Variants in ADGRF5 observed in about 807,000 individuals in gnomAD.
ADGRF5 encodes the protein G-protein coupled receptor 116.
A neutral mutation model predicts 132.3 loss-of-function variants in ADGRF5; 75 were observed. The ratio of observed to expected loss-of-function variants is 0.57; its 90% CI spans 0.47 to 0.69. The LOEUF (loss-of-function observed/expected upper bound fraction) is 0.69. ADGRF5 is among the 30% of genes least tolerant of loss of function. ADGRF5 has a pLI of 0.00. For synonymous variants in ADGRF5, 629 were observed against 597.6 expected (o/e 1.05, Z -0.77); for missense variants, 1,516 against 1,630.6 (o/e 0.93, Z 1.21).
chr6:46,921,650 C>T (rs1776961589), intron 1 of ADGRF5, 63 bp downstream of exon 1: 1 of 152,202 alleles, frequency 6.6e-6, no homozygotes, highest in Non-Finnish European at 1.5e-5. Context: ...ACTTAGGAGC[C>T]CCTGAGGTCT....
At chr6:46,877,213 A>G (rs909101924) in intron 10 of ADGRF5, among the ~76,000 whole-genome samples, 6 of 150,064 alleles carry the variant, frequency 4.0e-5, no homozygotes, top group Admixed American at 1.3e-4. Context: ...GGTGAGTCCT[A>G]ATTTATTTCC....
chr6:46,928,995 T>C (rs962002531), intron 1 of ADGRF5, among the ~76,000 whole-genome samples: 1 of 152,204 alleles, frequency 6.6e-6, no homozygotes, highest in African/African-American at 2.4e-5. Context: ...TTACTGGGTA[T>C]ATACCCAAAG....
intron 1 of ADGRF5, among the ~76,000 whole-genome samples, chr6:46,913,429 G>C (rs1056541144): frequency 7.9e-5 from 12 of 151,974 alleles, no homozygotes; most frequent in African/African-American, 2.7e-4. Flanking sequence ...AACCCAGGAG[G>C]TGGAGATTGC....
In ADGRF5 at chr6:46,856,793, G is replaced by T. The variant is rs1329002006; in HGVS notation, c.3817-16C>A. 7 of 1,598,114 alleles carry T rather than the reference G, an allele frequency of 4.4e-6. No homozygotes were observed. Among genetic ancestry groups the T allele is most frequent in the African/African-American group, 2.7e-5 (2 of 74,646 alleles). On this transcript the variant is annotated splice_polypyrimidine_tract_variant and intron_variant, in intron 18 of 20. Transcript: ENST00000283296. ...CTTCCTGTACCTGCATTGTTAAAAA[G>T]AAGCTATCGTAACTTCAACATGCCA...
chr6:46,894,670 C>T (rs1773990438), intron 3 of ADGRF5, among the ~76,000 whole-genome samples: 1 of 152,142 alleles, frequency 6.6e-6, no homozygotes, highest in African/African-American at 2.4e-5. Flanking sequence ...TGTCTTCTGA[C>T]CTGGGCAGGT....
rs11343793 is a variant in ADGRF5 at position 46,929,538 on chromosome 6, GAAA to G, written c.-24-22755_-24-22753del. Among the ~76,000 whole-genome samples, 47 of 142,182 alleles carry G rather than the reference GAAA, an allele frequency of 3.3e-4. 2 individuals carry two copies. Among genetic ancestry groups the G allele is most frequent in the African/African-American group, 1.1e-3 (44 of 38,726 alleles). 93.3% of individuals were successfully genotyped at this position (142,182 alleles called of 152,430 possible). On this transcript the variant is annotated intron_variant, in intron 1 of 20. Coordinates refer to the ADGRF5 transcript ENST00000265417. ...AATAAAAAAAAGAAAGTAAAAAGAT[GAAA>G]AAAAAAAAAAGATATCCCTTTCTCT...
At chr6:46,944,380 T>C (rs963641678) in intron 1 of ADGRF5, among the ~76,000 whole-genome samples, 9 of 152,178 alleles carry the variant, frequency 5.9e-5, no homozygotes, top group Admixed American at 3.9e-4. Flanking sequence ...GTCACCTGGT[T>C]CCTAACAGGA....
chr6:46,950,968 T>G (rs1417357396), intron 1 of ADGRF5, among the ~76,000 whole-genome samples: 1 of 152,238 alleles, frequency 6.6e-6, no homozygotes, highest in African/African-American at 2.4e-5. Flanking sequence ...CAGGTCTGCC[T>G]CTTTCTAGCC....
intron 1 of ADGRF5, among the ~76,000 whole-genome samples, chr6:46,942,718 C>T (rs1350242713): frequency 3.9e-5 from 6 of 152,230 alleles, no homozygotes; most frequent in African/African-American, 1.2e-4. Flanking sequence ...ATTTCTCTTT[C>T]ATCCTCTTTC....
At chr6:46,884,441 C>T (rs1772836582) in intron 4 of ADGRF5, among the ~76,000 whole-genome samples, 170 bp from the exon 5 acceptor site, 1 of 152,228 alleles carries the variant, frequency 6.6e-6, no homozygotes. Flanking sequence ...ATGTATGCAT[C>T]ACCATGCTAT....
In ADGRF5 at chr6:46,949,497, G is replaced by C. The variant is rs77000818; in HGVS notation, c.-25+5237C>G. Among the ~76,000 whole-genome samples the C allele has an allele frequency of 1.9e-3, 296 of 152,314 alleles. 9 individuals carry two copies. The East Asian group carries it at 0.053, about 27-fold the overall frequency. ...TCATGTAGCAGAAAAGGAAAGATGGGTAGAAGGCAGTGGCCAGTGAACTTG... is the reference window on the plus strand; with the variant it reads ...TCATGTAGCAGAAAAGGAAAGATGGCTAGAAGGCAGTGGCCAGTGAACTTG... On this transcript the variant is annotated intron_variant, in intron 1 of 20. Transcript: ENST00000265417.
chr6:46,885,012 G>A (rs571762727), intron 4 of ADGRF5, among the ~76,000 whole-genome samples: 50 of 152,064 alleles, frequency 3.3e-4, no homozygotes, highest in South Asian at 2.1e-3. Context: ...GACCAGCCTG[G>A]GCAACATTGC....
At chr6:46,885,492 C>T (rs562630058) in intron 4 of ADGRF5, among the ~76,000 whole-genome samples, 1 of 152,266 alleles carries the variant, frequency 6.6e-6, no homozygotes, top group Non-Finnish European at 1.5e-5. Context: ...ACATCCCGCA[C>T]TCGCAGAGAA....
intron 13 of ADGRF5, 136 bp downstream of exon 13, chr6:46,866,789 G>A: frequency 1.7e-6 from 1 of 597,790 alleles, no homozygotes; most frequent in East Asian, 2.8e-5. Flanking sequence ...AGGTAACAAA[G>A]ATTCATGGGA....
intron 4 of ADGRF5, among the ~76,000 whole-genome samples, chr6:46,884,696 G>C (rs1394250362): frequency 6.6e-6 from 1 of 152,178 alleles, no homozygotes; most frequent in Admixed American, 6.5e-5. Flanking sequence ...TAGAGGTGAT[G>C]GTATGGCACT....
At position 46,862,012 on chromosome 6, in the gene ADGRF5, A is replaced by T. The variant is rs185178884; in HGVS notation, c.2199+876T>A. On this transcript the variant is annotated intron_variant, in intron 15 of 20. Coordinates refer to ENST00000283296, the MANE Select transcript of ADGRF5 (RefSeq NM_001098518.2). ...ACTACCCAATTCGATTATTTTCTTT[A>T]CCAGAGACAAAGATCTGATTTGGCC... Among the ~76,000 whole-genome samples, 634 of 151,878 alleles carry T rather than the reference A, an allele frequency of 4.2e-3. 9 individuals are homozygous for T. Among genetic ancestry groups the T allele is most frequent in the African/African-American group, 0.015 (609 of 41,382 alleles).
chr6:46,878,443 CAT>C (rs777739915), intron 9 of ADGRF5, 38 bp from the exon 10 acceptor site: 5 of 1,227,490 alleles, frequency 4.1e-6, no homozygotes, highest in Admixed American at 1.8e-5. Context: ...TATTATAACA[CAT>C]GTGTATTTTC....
intron 12 of ADGRF5, among the ~76,000 whole-genome samples, chr6:46,867,575 A>G (rs1486103431): frequency 6.6e-6 from 1 of 152,158 alleles, no homozygotes; most frequent in Admixed American, 6.5e-5. Context: ...CCCATCTCTA[A>G]GTGAGCAGGC....
rs937086669 is a variant in ADGRF5, at chr6:46,872,137, G to A, written c.1241-124C>T. 4.5e-6 allele frequency: 3 copies of A among 671,908 alleles called. No homozygotes were observed. The African/African-American group carries it at 5.5e-5, about 12-fold the overall frequency. The allele number at this position is 671,908 out of a possible 1,614,324, so 41.6% of individuals were successfully genotyped here. On this transcript the variant is annotated intron_variant, in intron 10 of 20. Coordinates refer to ENST00000283296, the MANE Select transcript of ADGRF5 (RefSeq NM_001098518.2). ...TTTAAATAGATTTCTTCTCTGAATGGAGAAGTTGGGTTTATGGTGATTAGG... is the reference window on the plus strand; with the variant it reads ...TTTAAATAGATTTCTTCTCTGAATGAAGAAGTTGGGTTTATGGTGATTAGG...
Sources: gnomAD v4.1 joint callset for allele counts (sites outside exome capture counted in the v4.1 genomes callset) on GRCh38, gnomAD v4.1.1 for gene constraint, MANE v1.5 for transcripts, NCBI Gene and HGNC (gene_info 2026-07-23, HGNC 2026-07-21) for gene names.